The following SPTAN1 variants were observed in gnomAD, a reference collection of about 807,000 sequenced individuals.
SPTAN1 encodes spectrin alpha chain, non-erythrocytic 1.
A neutral mutation model predicts 331.3 loss-of-function variants in SPTAN1; 61 were observed. That is an observed-to-expected ratio of 0.18 (90% CI 0.15 to 0.23). The LOEUF (loss-of-function observed/expected upper bound fraction) is 0.23. Among genes scored for constraint, SPTAN1 ranks in the 10% least tolerant of loss-of-function variants. SPTAN1 has a pLI of 1.00. For synonymous variants in SPTAN1, 1,153 were observed against 1,173.9 expected (o/e 0.98, Z 0.36); for missense variants, 2,043 against 3,147.9 (o/e 0.65, Z 8.40).
chr9:128,627,965 T>G lies in SPTAN1; in HGVS notation c.6707+23T>G, dbSNP rs141475745. The G allele has an allele frequency of 8.1e-5, 130 of 1,614,152 alleles. No individual in the cohort carries two copies. The African/African-American group carries it at 1.4e-3, about 18-fold the overall frequency. ...TGGGTTAATATTGTTTTCTTCCTTCTCTGGGCTTGTCATGTGGGGGTCTCG... is the reference window on the plus strand; with the variant it reads ...TGGGTTAATATTGTTTTCTTCCTTCGCTGGGCTTGTCATGTGGGGGTCTCG... On this transcript the variant is annotated intron_variant, in intron 51 of 56. Transcript: ENST00000372739. This position sits in a 1 kb window ranked among gnomAD's most constrained non-coding sequence, Gnocchi z 4.9.
chr9:128,625,326 C>G lies in SPTAN1; in HGVS notation c.6069+147C>G. 2.4e-6 allele frequency: 2 copies of G among 849,144 alleles called. No homozygotes were observed. The highest frequency in any genetic ancestry group is 5.3e-5 in the East Asian group (2 of 37,816). 52.6% of individuals were successfully genotyped at this position (849,144 alleles called of 1,614,324 possible). On this transcript the variant is annotated intron_variant, in intron 47 of 56. Coordinates refer to ENST00000372739, the MANE Select transcript of SPTAN1 (RefSeq NM_001130438.3). The surrounding 1 kb of genome is among the most constrained non-coding windows in gnomAD (Gnocchi z 4.1). ...CCTGTCCTGGTCCTCAGGGAGCTTC[C>G]AGACTAACTGGGGAAGCAGACACAG...
At chr9:128,631,139 CCGGCCGAG>C (rs1859652719) in intron 52 of SPTAN1, among the ~76,000 whole-genome samples, 1 of 152,176 alleles carries the variant, frequency 6.6e-6, no homozygotes, top group Admixed American at 6.5e-5. Context: ...GCCACCACTC[CCGGCCGAG>C]GGCTCTTCAC....
chr9:128,569,271 G>T (rs186795271), intron 3 of SPTAN1, among the ~76,000 whole-genome samples: 9 of 152,264 alleles, frequency 5.9e-5, no homozygotes, highest in African/African-American at 1.4e-4. Context: ...TATAAAGAAG[G>T]TTATCTGTGG....
Position 128,633,488 on chromosome 9 carries a change from C to T in SPTAN1, c.*154C>T, listed in dbSNP as rs781693339. On this transcript the variant is annotated 3_prime_UTR_variant, in exon 57 of 57. Transcript: ENST00000372739. ...AAATGGTGCTTCACTAACCCGCTTC[C>T]GGTCCAGTCACAATCATCATGTCAC... 54 of 1,312,450 alleles carry T rather than the reference C, an allele frequency of 4.1e-5. No homozygotes were observed. The highest frequency in any genetic ancestry group is 5.1e-5 in the Non-Finnish European group (47 of 929,502). The allele number at this position is 1,312,450 out of a possible 1,614,324, so 81.3% of individuals were successfully genotyped here.
At chr9:128,563,363 T>C (rs1337912910) in intron 1 of SPTAN1, among the ~76,000 whole-genome samples, 1 of 151,542 alleles carries the variant, frequency 6.6e-6, no homozygotes. Context: ...TGCAGTGAGT[T>C]GAGATCGTAT....
At chr9:128,632,379 C>CA in intron 53 of SPTAN1, 52 bp from the exon 54 acceptor site, 1 of 1,613,780 alleles carries the variant, frequency 6.2e-7, no homozygotes, top group Non-Finnish European at 8.5e-7. Flanking sequence ...GGAAAAGACA[C>CA]AGTCACCTGC....
At chr9:128,612,814 T>C (rs1255271820) in intron 39 of SPTAN1, among the ~76,000 whole-genome samples, 1 of 152,072 alleles carries the variant, frequency 6.6e-6, no homozygotes, top group African/African-American at 2.4e-5. Flanking sequence ...TAATCCCAGC[T>C]ACTCAGGAGG....
chr9:128,597,229 C>A (rs1260123684), intron 24 of SPTAN1, among the ~76,000 whole-genome samples: 1 of 152,148 alleles, frequency 6.6e-6, no homozygotes, highest in East Asian at 1.9e-4. Flanking sequence ...CTAAGCTGGT[C>A]TTGAACTTAA....
intron 5 of SPTAN1, 29 bp from the exon 6 acceptor site, chr9:128,576,794 A>C: frequency 6.2e-7 from 1 of 1,612,540 alleles, no homozygotes; most frequent in Non-Finnish European, 8.5e-7. Context: ...AGTTGTGTAC[A>C]AATCCAGTCT....
At chr9:128,579,815 T>A in intron 10 of SPTAN1, 77 bp downstream of exon 10, 1 of 1,192,690 alleles carries the variant, frequency 8.4e-7, no homozygotes, top group Non-Finnish European at 1.2e-6. Context: ...TATTCATCCT[T>A]AAATATCCAG....
At chr9:128,597,357 C>T (rs1854449609) in intron 24 of SPTAN1, among the ~76,000 whole-genome samples, 1 of 151,948 alleles carries the variant, frequency 6.6e-6, no homozygotes, top group Non-Finnish European at 1.5e-5. Flanking sequence ...TTAAAAAAGT[C>T]TCTATTTGAT....
chr9:128,579,601 G>T (rs1249010474), intron 9 of SPTAN1, 36 bp from the exon 10 acceptor site: 3 of 1,533,546 alleles, frequency 2.0e-6, no homozygotes, highest in Non-Finnish European at 2.7e-6. Context: ...GTAAGATGCT[G>T]GGCACAAATC....
At chr9:128,630,166 G>T (rs894271520) in intron 51 of SPTAN1, 155 bp from the exon 52 acceptor site, 2 of 824,012 alleles carry the variant, frequency 2.4e-6, no homozygotes, top group Non-Finnish European at 4.3e-6. Context: ...CGATCCCTGG[G>T]GCCCATTAGG....
chr9:128,599,908 C>A, intron 26 of SPTAN1, 172 bp from the exon 27 acceptor site: 1 of 678,822 alleles, frequency 1.5e-6, no homozygotes, highest in Non-Finnish European at 2.6e-6. Context: ...TTTTTCTTAA[C>A]CAGCCTTGTA....
intron 45 of SPTAN1, among the ~76,000 whole-genome samples, chr9:128,622,379 A>C (rs886782446): frequency 3.6e-5 from 5 of 138,914 alleles, no homozygotes; most frequent in African/African-American, 1.4e-4. Flanking sequence ...GGCTCACCGC[A>C]ACCTCCACCT....
Position 128,596,946 on chromosome 9 carries a change from G to T in SPTAN1, c.3415-1454G>T, listed in dbSNP as rs151065983. Among the ~76,000 whole-genome samples the T allele has an allele frequency of 2.0e-5, 3 of 152,298 alleles. No individual in the cohort carries two copies. The East Asian group carries it at 5.8e-4, about 30-fold the overall frequency. On this transcript the variant is annotated intron_variant, in intron 24 of 56. Coordinates refer to ENST00000372739, the MANE Select transcript of SPTAN1 (RefSeq NM_001130438.3). ...AGGCCGAGGCAGGCAGATCACCTAA[G>T]GTCAGGAGTTCGAGACTAGCCTGGC...
chr9:128,604,928 A>G (rs2131567900), intron 29 of SPTAN1, 106 bp from the exon 30 acceptor site: 1 of 1,202,890 alleles, frequency 8.3e-7, no homozygotes, highest in Non-Finnish European at 1.1e-6. Context: ...ATGAAACTCC[A>G]TCTCAGTAAA....
chr9:128,591,676 C>T (rs764384012), intron 22 of SPTAN1, 51 bp downstream of exon 22: 1 of 1,610,114 alleles, frequency 6.2e-7, no homozygotes, highest in Non-Finnish European at 8.5e-7. Flanking sequence ...TAGGCATACT[C>T]TGTTCCACAT....
At chr9:128,574,646 T>C (rs1465218574) in intron 3 of SPTAN1, 29 bp from the exon 4 acceptor site, 1 of 1,613,922 alleles carries the variant, frequency 6.2e-7, no homozygotes, top group Non-Finnish European at 8.5e-7. Flanking sequence ...AGTTGTGATC[T>C]GATTAAAACT....
Sources: gnomAD v4.1 joint callset for allele counts (sites outside exome capture counted in the v4.1 genomes callset) on GRCh38, gnomAD v4.1.1 for gene constraint, Gnocchi (gnomAD v3.1) non-coding constraint, MANE v1.5 for transcripts, NCBI Gene and HGNC (gene_info 2026-07-23, HGNC 2026-07-21) for gene names.